The following PKHD1 variants were observed in gnomAD, a reference collection of about 807,000 sequenced individuals.
PKHD1 encodes PKHD1 ciliary IPT domain containing fibrocystin/polyductin, also known as fibrocystin.
Under a neutral mutation model 412.0 loss-of-function variants are expected in PKHD1, and 291 were observed. The observed-to-expected ratio is 0.71, with a 90% confidence interval of 0.64 to 0.78. The LOEUF is 0.78. Ranked by LOEUF, PKHD1 falls within the 30% of genes least tolerant of loss-of-function variation. The pLI is 0.00. For synonymous variants in PKHD1, 1,777 were observed against 1,821.5 expected, an observed-to-expected ratio of 0.98 and a Z score of 0.62; for missense variants, 4,825 against 4,950.7, an observed-to-expected ratio of 0.97 and a Z score of 0.76.
intron 60 of PKHD1, among the ~76,000 whole-genome samples, chr6:51,728,548 ACACGAC>A (rs1782863804): frequency 6.6e-6 from 1 of 152,240 alleles, no homozygotes; most frequent in African/African-American, 2.4e-5. Flanking sequence ...TTGGCCGGTT[ACACGAC>A]CACAGTCCTA....
chr6:51,986,158 C>T (rs1796193930), intron 35 of PKHD1, among the ~76,000 whole-genome samples: 1 of 152,088 alleles, frequency 6.6e-6, no homozygotes, highest in African/African-American at 2.4e-5. Context: ...TAATATATAG[C>T]ATTTGTCTCT....
At chr6:51,863,685 A>G (rs910562835) in intron 48 of PKHD1, among the ~76,000 whole-genome samples, 5 of 152,166 alleles carry the variant, frequency 3.3e-5, no homozygotes, top group African/African-American at 1.2e-4. Flanking sequence ...ATGAAAGAAG[A>G]TTCTTAAATA....
intron 60 of PKHD1, among the ~76,000 whole-genome samples, chr6:51,733,723 C>T (rs1160833759): frequency 6.6e-6 from 1 of 152,104 alleles, no homozygotes; most frequent in Non-Finnish European, 1.5e-5. Context: ...GTCTTACTGT[C>T]TTTGAATATG....
intron 35 of PKHD1, among the ~76,000 whole-genome samples, chr6:51,978,401 A>G (rs575372899): frequency 1.4e-4 from 21 of 152,284 alleles, no homozygotes; most frequent in African/African-American, 4.8e-4. Context: ...GGGGCATTTC[A>G]GTGTTCAAGG....
chr6:51,657,637 G>T (rs1193236555), intron 61 of PKHD1, among the ~76,000 whole-genome samples: 1 of 152,040 alleles, frequency 6.6e-6, no homozygotes, highest in African/African-American at 2.4e-5. Context: ...ACAAATGGTG[G>T]GTGATAAATA....
At chr6:51,834,192 A>C (rs1193864478) in intron 51 of PKHD1, among the ~76,000 whole-genome samples, 1 of 152,172 alleles carries the variant, frequency 6.6e-6, no homozygotes, top group African/African-American at 2.4e-5. Flanking sequence ...TGAACAGAAG[A>C]AGCCAGTAAG....
Position 52,066,084 on chromosome 6 carries a change from G to C in PKHD1, c.779-7C>G, listed in dbSNP as rs749068364. The C allele has an allele frequency of 2.5e-6, 3 of 1,188,020 alleles. No homozygotes were observed. Among genetic ancestry groups the C allele is most frequent in the Non-Finnish European group, 3.6e-6 (3 of 844,190 alleles). 73.6% of individuals were successfully genotyped at this position (1,188,020 alleles called of 1,614,324 possible). A position where few individuals can be genotyped will look rare whatever the true frequency, so the allele number is the denominator to read the frequency against. The stretch of plus-strand genomic sequence containing the variant: ...GGAAACACAGATAATATTTCTGCAA[G>C]AGTTAAAAAAAAAAAAAAGTAAGCT... On this transcript the variant is annotated splice_polypyrimidine_tract_variant and splice_region_variant and intron_variant, in intron 11 of 66. Coordinates refer to ENST00000371117, the MANE Select transcript of PKHD1 (RefSeq NM_138694.4).
chr6:52,032,609 T>C (rs1234752576), intron 29 of PKHD1, among the ~76,000 whole-genome samples: 2 of 152,220 alleles, frequency 1.3e-5, no homozygotes, highest in African/African-American at 4.8e-5. Context: ...ACAGATGACC[T>C]GTGTTCAAAT....
intron 60 of PKHD1, among the ~76,000 whole-genome samples, chr6:51,683,506 T>C (rs1244215868): frequency 6.6e-6 from 1 of 151,998 alleles, no homozygotes; most frequent in East Asian, 1.9e-4. Flanking sequence ...TTAAGCAAAA[T>C]TGTACCTTAT....
At position 52,065,018 on chromosome 6, in the gene PKHD1, T is replaced by C. The variant is rs1471600531; in HGVS notation, c.913A>G (p.Arg305Gly). 2 of 1,600,148 alleles carry C rather than the reference T, an allele frequency of 1.2e-6. No individual in the cohort carries two copies. Among genetic ancestry groups the C allele is most frequent in the African/African-American group, 1.4e-5 (1 of 72,502 alleles). ...IPCDIRHVSP[R>G]KIECTTRAPG... Reference sequence around the variant, plus strand: ...GCCCGAGTGGTGCACTCAATCTTCCTGGGAGACACGTGTCTAATATCACAT... The same window carrying C: ...GCCCGAGTGGTGCACTCAATCTTCCCGGGAGACACGTGTCTAATATCACAT... The change falls in exon 13 of 67, where the codon AGG (arginine) becomes GGG (glycine). Residue 305 changes from arginine (R) to glycine (G), a missense_variant. Coordinates refer to ENST00000371117, the MANE Select transcript of PKHD1 (RefSeq NM_138694.4).
intron 55 of PKHD1, 28 bp downstream of exon 55, chr6:51,772,674 A>G: frequency 8.5e-7 from 1 of 1,178,132 alleles, no homozygotes; most frequent in Non-Finnish European, 1.3e-6. Flanking sequence ...CAACCAAGAA[A>G]AAGCCCTAAG....
At chr6:52,038,950 C>T (rs1219076514) in intron 27 of PKHD1, among the ~76,000 whole-genome samples, 1 of 152,168 alleles carries the variant, frequency 6.6e-6, no homozygotes, top group African/African-American at 2.4e-5. Flanking sequence ...GAAAAGGCAA[C>T]TCACACAATG....
At chr6:51,656,655 TTTTC>T (rs981713070) in intron 61 of PKHD1, among the ~76,000 whole-genome samples, 11 of 125,170 alleles carry the variant, frequency 8.8e-5, no homozygotes, top group South Asian at 5.8e-4. Flanking sequence ...AGCTTATAGC[TTTTC>T]TTTCTTTTTT....
At chr6:51,801,639 T>TTGTGTGTGTGTGTGTG (rs140197286) in intron 52 of PKHD1, among the ~76,000 whole-genome samples, 6 of 120,138 alleles carry the variant, frequency 5.0e-5, no homozygotes, top group African/African-American at 9.4e-5. Flanking sequence ...GCTGGCCTGA[T>TTGTGTGTGTGTGTGTG]TGTGTGTGTG....
Position 52,010,407 on chromosome 6 carries a change from T to C in PKHD1, c.5653A>G (p.Thr1885Ala). The change falls in exon 35 of 67, where the codon ACC becomes GCC. Residue 1885 changes from threonine to alanine, a missense_variant. Transcript: ENST00000371117. Reference sequence around the variant, plus strand: ...TCCATCTCTGCCTCAGTTTCCATGGTAATGTTACAGGAGCTATTATAGATG... The same window carrying C: ...TCCATCTCTGCCTCAGTTTCCATGGCAATGTTACAGGAGCTATTATAGATG... ...VLIYNSSCNI[T>A]METEAEMECE... 1 of 1,609,076 alleles carries C rather than the reference T, an allele frequency of 6.2e-7. No individual in the cohort carries two copies. The highest frequency in any genetic ancestry group is 8.5e-7 in the Non-Finnish European group (1 of 1,175,376).
chr6:51,678,984 TCA>T (rs1395184299), intron 60 of PKHD1, among the ~76,000 whole-genome samples: 8 of 152,044 alleles, frequency 5.3e-5, no homozygotes, highest in Admixed American at 4.6e-4. Flanking sequence ...TCTCCAGCCC[TCA>T]GTTTGAAGCT....
At chr6:51,771,133 A>G (rs1413119014) in intron 55 of PKHD1, among the ~76,000 whole-genome samples, 1 of 152,090 alleles carries the variant, frequency 6.6e-6, no homozygotes, top group Non-Finnish European at 1.5e-5. Context: ...CTCTTTATAT[A>G]TAAATGTATG....
At chr6:52,081,918 G>A (rs1227457292) in intron 4 of PKHD1, among the ~76,000 whole-genome samples, 2 of 152,104 alleles carry the variant, frequency 1.3e-5, no homozygotes, top group African/African-American at 4.8e-5. Context: ...GCAACAAGAA[G>A]TTGAGTAGAA....
At chr6:51,769,769 T>C (rs1300064782) in intron 55 of PKHD1, among the ~76,000 whole-genome samples, 1 of 151,472 alleles carries the variant, frequency 6.6e-6, no homozygotes, top group African/African-American at 2.4e-5. Flanking sequence ...AAAGTTTGTT[T>C]GCTTATTCAA....
Sources: gnomAD v4.1 joint callset for allele counts (sites outside exome capture counted in the v4.1 genomes callset) on GRCh38, gnomAD v4.1.1 for gene constraint, MANE v1.5 for transcripts, NCBI Gene and HGNC (gene_info 2026-07-23, HGNC 2026-07-21) for gene names.